The following ARID1B variants were observed in gnomAD, a reference collection of about 807,000 sequenced individuals.
ARID1B encodes AT-rich interactive domain-containing protein 1B.
A neutral mutation model predicts 212.3 loss-of-function variants in ARID1B; 30 were observed. The observed-to-expected ratio is 0.14, with a 90% CI of 0.11 to 0.19. ARID1B has a LOEUF of 0.19. Ranked by LOEUF, ARID1B falls within the 10% of genes least tolerant of loss-of-function variation. The pLI, the probability that ARID1B is intolerant of heterozygous loss-of-function variation, is 1.00. For synonymous variants in ARID1B, 1,402 were observed against 1,301.7 expected (o/e 1.08, Z -1.66); for missense variants, 2,891 against 3,204.0 (o/e 0.90, Z 2.36).
Position 157,203,625 on chromosome 6 carries a change from A to C in ARID1B, c.5264-241A>C. On this transcript the variant is annotated intron_variant, in intron 18 of 19. Coordinates refer to ENST00000636930, the MANE Select transcript of ARID1B (RefSeq NM_001374828.1). This position sits in a 1 kb window ranked among gnomAD's most constrained non-coding sequence, Gnocchi z 4.4. Reference sequence around the variant, plus strand: ...CTGTGCTCAACCACTCCACCTCCAGAAGCACTTTCGGCCCCTGCGTGACCA... The same window carrying C: ...CTGTGCTCAACCACTCCACCTCCAGCAGCACTTTCGGCCCCTGCGTGACCA... 2.0e-6 allele frequency: 1 copy of C among 496,904 alleles called. No individual in the cohort carries two copies. Among genetic ancestry groups the C allele is most frequent in the Non-Finnish European group, 3.7e-6 (1 of 273,320 alleles). The allele number at this position is 496,904 out of a possible 1,614,324, so 30.8% of individuals were successfully genotyped here. A position where few individuals can be genotyped will look rare whatever the true frequency, so the allele number is the denominator to read the frequency against.
intron 5 of ARID1B, among the ~76,000 whole-genome samples, chr6:157,102,382 T>TA (rs1254144922): frequency 6.6e-6 from 1 of 152,212 alleles, no homozygotes; most frequent in Non-Finnish European, 1.5e-5. Context: ...TAAATGTACT[T>TA]ACCATTTAAG....
At chr6:157,085,045 T>C in intron 5 of ARID1B, 140 bp downstream of exon 5, 2 of 1,090,398 alleles carry the variant, frequency 1.8e-6, no homozygotes, top group South Asian at 3.5e-5. Context: ...CACCAAGGCA[T>C]ACGAGAGTCC....
At chr6:156,939,901 G>A (rs556487776) in intron 4 of ARID1B, 1 of 152,136 alleles carries the variant, frequency 6.6e-6, no homozygotes, top group African/African-American at 2.4e-5. Context: ...TTACAGATGG[G>A]TAGTTAATAA....
At chr6:157,173,930 CTG>C in intron 9 of ARID1B, 76 bp from the exon 10 acceptor site, 1 of 1,280,172 alleles carries the variant, frequency 7.8e-7, no homozygotes. Flanking sequence ...CTGCTTCACT[CTG>C]TAACTTGTGT....
At chr6:157,045,836 T>C (rs1782201285) in intron 4 of ARID1B, among the ~76,000 whole-genome samples, 1 of 152,200 alleles carries the variant, frequency 6.6e-6, no homozygotes, top group South Asian at 2.1e-4. Flanking sequence ...TGACTCAAAC[T>C]TAAAATTATA....
intron 4 of ARID1B, among the ~76,000 whole-genome samples, chr6:157,035,240 CTG>C (rs2128504004): frequency 6.6e-6 from 1 of 152,258 alleles, no homozygotes; most frequent in South Asian, 2.1e-4. Flanking sequence ...CAAAGTTAAA[CTG>C]TAATATATTT....
intron 5 of ARID1B, among the ~76,000 whole-genome samples, chr6:157,098,307 C>A (rs1785796108): frequency 6.6e-6 from 1 of 152,172 alleles, no homozygotes; most frequent in Non-Finnish European, 1.5e-5. Context: ...AAGTTCAGAA[C>A]CTACCTCTTT....
chr6:156,852,846 T>C (rs1330551711), intron 2 of ARID1B, among the ~76,000 whole-genome samples: 2 of 152,250 alleles, frequency 1.3e-5, no homozygotes, highest in African/African-American at 4.8e-5. Flanking sequence ...TAGTTTTGTT[T>C]TATAACTTAA....
chr6:156,826,999 G>C (rs1299556324), intron 1 of ARID1B, among the ~76,000 whole-genome samples: 1 of 152,054 alleles, frequency 6.6e-6, no homozygotes, highest in Non-Finnish European at 1.5e-5. Flanking sequence ...AAAGTTCATG[G>C]GTTTTATTGC....
At chr6:156,856,307 G>C (rs1439190190) in intron 2 of ARID1B, among the ~76,000 whole-genome samples, 1 of 152,226 alleles carries the variant, frequency 6.6e-6, no homozygotes, top group Non-Finnish European at 1.5e-5. Flanking sequence ...TATAGCCTAT[G>C]CTTTTCAGGA....
At position 156,879,799 on chromosome 6, in the gene ARID1B, CAT is replaced by C. The variant is rs1786896252; in HGVS notation, c.1987-21574_1987-21573del. On this transcript the variant is annotated intron_variant, in intron 2 of 19. Coordinates refer to ENST00000636930, the MANE Select transcript of ARID1B (RefSeq NM_001374828.1). ...CATGTGTATATATGTGCAGCGTGCG[CAT>C]ATGTGTGTGTGTAAGCTTAGCCTTC... 2.6e-5 allele frequency among the ~76,000 whole-genome samples: 4 copies of C among 152,268 alleles called. No homozygotes were observed. The South Asian group carries it at 8.3e-4, about 32-fold the overall frequency.
Position 156,908,108 on chromosome 6 carries a change from C to T in ARID1B, c.2136+6583C>T, listed in dbSNP as rs111438021. 3.2e-3 allele frequency among the ~76,000 whole-genome samples: 480 copies of T among 152,158 alleles called. 4 individuals are homozygous for T. Among genetic ancestry groups the T allele is most frequent in the African/African-American group, 0.011 (458 of 41,510 alleles). On this transcript the variant is annotated intron_variant, in intron 3 of 19. Coordinates refer to ENST00000636930, the MANE Select transcript of ARID1B (RefSeq NM_001374828.1). ...AGATGTTGAGGTCTTGCTCTACTGC[C>T]CAGGCTGGTCTCTAACTCTTGGCCT...
At chr6:157,005,869 T>C (rs1779222451) in intron 4 of ARID1B, among the ~76,000 whole-genome samples, 1 of 152,220 alleles carries the variant, frequency 6.6e-6, no homozygotes, top group African/African-American at 2.4e-5. Flanking sequence ...CTTAAAACTC[T>C]CTGGGGTCGC....
chr6:157,143,366 T>G (rs1583391502), intron 7 of ARID1B, among the ~76,000 whole-genome samples: 2 of 152,132 alleles, frequency 1.3e-5, no homozygotes, highest in South Asian at 4.1e-4. Context: ...TGGCTTTTCC[T>G]CTCATATTTT....
chr6:156,777,084 C>A (rs558173441), upstream of ARID1B: 1 of 152,234 alleles, frequency 6.6e-6, no homozygotes, highest in African/African-American at 2.4e-5. Context: ...ACCTTTGTAT[C>A]GTTCCTTTTA....
chr6:156,799,067 A>T (rs1780593109), intron 1 of ARID1B, among the ~76,000 whole-genome samples: 1 of 152,358 alleles, frequency 6.6e-6, no homozygotes, highest in Admixed American at 6.5e-5. Context: ...TACATGTCCC[A>T]TCTCAAGTCT....
Position 156,784,559 on chromosome 6 carries a change from A to G in ARID1B, c.1791+5088A>G, listed in dbSNP as rs1050869770. ...CATTACCTGAGTGTCCTAAGTATTC[A>G]TTTGTTTTTCCTTATACTGACATCT... On this transcript the variant is annotated intron_variant, in intron 1 of 19. Coordinates refer to ENST00000636930, the MANE Select transcript of ARID1B (RefSeq NM_001374828.1). Among the ~76,000 whole-genome samples the G allele has an allele frequency of 8.5e-5, 13 of 152,256 alleles. No homozygotes were observed. In the East Asian group the frequency reaches 2.1e-3, roughly 25 times the overall value.
chr6:156,992,870 G>C (rs972251605), intron 4 of ARID1B, among the ~76,000 whole-genome samples: 4 of 152,144 alleles, frequency 2.6e-5, no homozygotes, highest in Non-Finnish European at 5.9e-5. Context: ...TCACTCTGCA[G>C]TTAGCCAAGT....
chr6:156,968,012 C>CT, intron 4 of ARID1B, among the ~76,000 whole-genome samples: 1 of 152,278 alleles, frequency 6.6e-6, no homozygotes. Flanking sequence ...AAGGAATGTC[C>CT]TTTTCTCCTC....
Sources: gnomAD v4.1 joint callset for allele counts (sites outside exome capture counted in the v4.1 genomes callset) on GRCh38, gnomAD v4.1.1 for gene constraint, Gnocchi (gnomAD v3.1) non-coding constraint, MANE v1.5 for transcripts, NCBI Gene and HGNC (gene_info 2026-07-23, HGNC 2026-07-21) for gene names.